The following NACC2 variants were observed in gnomAD, a reference collection of about 807,000 sequenced individuals.
NACC2 encodes the protein nucleus accumbens-associated protein 2.
NACC2 carries 8 observed loss-of-function variants against 25.1 expected under a neutral mutation model. The observed-to-expected ratio is 0.32, with a 90% CI of 0.19 to 0.57. The LOEUF is 0.57. Among genes scored for constraint, NACC2 ranks in the 20% least tolerant of loss-of-function variants. The pLI is 0.89. For synonymous variants in NACC2, 435 were observed against 294.7 expected (o/e 1.48, Z -4.88); for missense variants, 644 against 650.2 (o/e 0.99, Z 0.10).
rs1281459596 is a variant in NACC2, at chr9:136,055,571, C to T, written c.-59-4991G>A. Among the ~76,000 whole-genome samples, 3 of 152,214 alleles carry T rather than the reference C, an allele frequency of 2.0e-5. No individual in the cohort carries two copies. Among genetic ancestry groups the T allele is most frequent in the Non-Finnish European group, 4.4e-5 (3 of 68,048 alleles). On this transcript the variant is annotated intron_variant, in intron 1 of 5. Coordinates refer to ENST00000277554, the MANE Select transcript of NACC2 (RefSeq NM_144653.5). This position sits in a 1 kb window ranked among gnomAD's most constrained non-coding sequence, Gnocchi z 4.9. ...TAGATTGTAAAGCACTTTCTAAGCC[C>T]AGCACAGCAAACCAGAGGAATGCGG...
chr9:136,085,137 AT>A (rs913472378), intron 1 of NACC2, among the ~76,000 whole-genome samples: 187 of 82,774 alleles, frequency 2.3e-3, no homozygotes, highest in African/African-American at 4.1e-3. Flanking sequence ...CATTTCTACA[AT>A]TTTTTTTTTT....
Position 136,013,165 on chromosome 9 carries a change from G to GCCC in NACC2, c.1255+31_1255+33dup. On this transcript the variant is annotated intron_variant, in intron 5 of 5. Transcript: ENST00000277554. The surrounding 1 kb of genome is among the most constrained non-coding windows in gnomAD (Gnocchi z 6.6). The stretch of plus-strand genomic sequence containing the variant: ...AGGCTGGGATCTGAACCCAGCCCCG[G>GCCC]CCCCACCCACCCGAGAGACCCCCAG... The GCCC allele has an allele frequency of 3.7e-5, 26 of 706,926 alleles. No individual in the cohort carries two copies. The highest frequency in any genetic ancestry group is 3.1e-4 in the Middle Eastern group (1 of 3,266). The allele number at this position is 706,926 out of a possible 1,614,324, so 43.8% of individuals were successfully genotyped here.
chr9:136,059,622 G>A (rs1176316978), intron 1 of NACC2, among the ~76,000 whole-genome samples: 2 of 152,226 alleles, frequency 1.3e-5, no homozygotes. Context: ...GCCCAGCAAG[G>A]AACCTGAGCA....
Position 136,061,806 on chromosome 9 carries a change from A to G in NACC2, c.-59-11226T>C, listed in dbSNP as rs74745514. The stretch of plus-strand genomic sequence containing the variant: ...TACAGAGGCCCAGGTACAATGGCCC[A>G]GGTACAGAGCAGGCCATTACGAAAA... On this transcript the variant is annotated intron_variant, in intron 1 of 5. Coordinates refer to ENST00000277554, the MANE Select transcript of NACC2 (RefSeq NM_144653.5). Among the ~76,000 whole-genome samples the G allele has an allele frequency of 9.2e-3, 1,405 of 152,286 alleles. 24 individuals carry two copies. The highest frequency in any genetic ancestry group is 0.032 in the African/African-American group (1,330 of 41,556).
rs1257935698 is a variant in NACC2 at position 136,011,697 on chromosome 9, G to A, written c.1583C>T (p.Ala528Val). ...GCCAGCCCCGTCCACCTCCTCGCCG[G>A]CGTCGAAGGCGGGGTTGGCGGCGGC... is the stretch of plus-strand genomic sequence containing the variant. ...LSAAANPAFDAGEEVDGAGSV... is the reference protein window; with the variant it reads ...LSAAANPAFDVGEEVDGAGSV... The change falls in exon 6 of 6, where the codon GCC becomes GTC. Residue 528 changes from alanine to valine, a missense_variant. Transcript: ENST00000277554. The A allele has an allele frequency of 6.7e-7, 1 of 1,487,840 alleles. No homozygotes were observed. The allele number at this position is 1,487,840 out of a possible 1,614,324, so 92.2% of individuals were successfully genotyped here. A position where few individuals can be genotyped will look rare whatever the true frequency, so the allele number is the denominator to read the frequency against.
chr9:136,050,811 G>T (rs542124283), intron 1 of NACC2, among the ~76,000 whole-genome samples: 2 of 152,170 alleles, frequency 1.3e-5, no homozygotes, highest in African/African-American at 2.4e-5. Context: ...AGATCCCCGG[G>T]GTGCTGCCCG....
intron 2 of NACC2, among the ~76,000 whole-genome samples, chr9:136,032,807 G>A (rs746801239): frequency 3.3e-5 from 5 of 152,094 alleles, no homozygotes; most frequent in African/African-American, 7.2e-5. Flanking sequence ...TGAGGTGGGT[G>A]GATCACGAGA....
intron 2 of NACC2, among the ~76,000 whole-genome samples, chr9:136,038,006 A>AC (rs1484712571): frequency 6.6e-6 from 1 of 152,206 alleles, no homozygotes; most frequent in African/African-American, 2.4e-5. Flanking sequence ...AATACTACTT[A>AC]CTCAGCAACA....
At chr9:136,088,783 C>T (rs60843730) in intron 1 of NACC2, among the ~76,000 whole-genome samples, 8,591 of 152,194 alleles carry the variant, frequency 0.056, 417 homozygotes, top group African/African-American at 0.14. Flanking sequence ...CAGGCCTGGG[C>T]GTGGAGGGCG....
intron 2 of NACC2, among the ~76,000 whole-genome samples, chr9:136,024,404 CAG>C (rs1491458826): frequency 5.8e-5 from 6 of 103,530 alleles, no homozygotes; most frequent in African/African-American, 8.1e-5. Flanking sequence ...TGTGTGAGGA[CAG>C]AGTGTGTGTG....
At chr9:136,048,412 G>T (rs1237643869) in intron 2 of NACC2, among the ~76,000 whole-genome samples, 1 of 152,222 alleles carries the variant, frequency 6.6e-6, no homozygotes. Flanking sequence ...CCCTCAGGAA[G>T]GGCCAATTCC....
At chr9:136,075,433 C>A (rs1830251561) in intron 1 of NACC2, among the ~76,000 whole-genome samples, 1 of 152,252 alleles carries the variant, frequency 6.6e-6, no homozygotes, top group Non-Finnish European at 1.5e-5. Context: ...GCGAATGTCT[C>A]CCCGAGCCTG....
rs1245004326 is a variant in NACC2 at position 136,047,830 on chromosome 9, A to G, written c.886+1806T>C. ...CGAAGTCCAGGCGATGTGAGGGCTTAAGGCTGACCCAGCACCCAGGGGCAG... is the reference window on the plus strand; with the variant it reads ...CGAAGTCCAGGCGATGTGAGGGCTTGAGGCTGACCCAGCACCCAGGGGCAG... On this transcript the variant is annotated intron_variant, in intron 2 of 5. Coordinates refer to ENST00000277554, the MANE Select transcript of NACC2 (RefSeq NM_144653.5). Among the ~76,000 whole-genome samples, 12 of 152,180 alleles carry G rather than the reference A, an allele frequency of 7.9e-5. No individual in the cohort carries two copies. The East Asian group carries it at 1.6e-3, about 20-fold the overall frequency.
At chr9:136,026,805 A>G (rs1366231311) in intron 2 of NACC2, among the ~76,000 whole-genome samples, 1 of 152,250 alleles carries the variant, frequency 6.6e-6, no homozygotes, top group Non-Finnish European at 1.5e-5. Flanking sequence ...ATTAATCAGA[A>G]AGGAGGGACA....
chr9:136,025,855 C>T lies in NACC2; in HGVS notation c.887-9426G>A, dbSNP rs550209619. ...GCTTGAACCCAGGAGGCAGAGGTTG[C>T]AGTGAGCTGAGATTGTGCCACTGCA... On this transcript the variant is annotated intron_variant, in intron 2 of 5. Transcript: ENST00000277554. Among the ~76,000 whole-genome samples, 13 of 152,136 alleles carry T rather than the reference C, an allele frequency of 8.5e-5. No individual in the cohort carries two copies. In the East Asian group the frequency reaches 2.3e-3, roughly 27 times the overall value.
At position 136,015,441 on chromosome 9, in the gene NACC2, C is replaced by A. The variant is rs568691515; in HGVS notation, c.1051+824G>T. 9.2e-5 allele frequency among the ~76,000 whole-genome samples: 14 copies of A among 152,348 alleles called. No individual in the cohort carries two copies. The East Asian group carries it at 2.7e-3, about 29-fold the overall frequency. On this transcript the variant is annotated intron_variant, in intron 3 of 5. Transcript: ENST00000277554. ...GCCAGGTGCAGCCCAGGAGGCCACTCTCCCATGAGGACCGAAGTCCCTGGC... is the reference window on the plus strand; with the variant it reads ...GCCAGGTGCAGCCCAGGAGGCCACTATCCCATGAGGACCGAAGTCCCTGGC...
chr9:136,075,564 G>A (rs1348102999), intron 1 of NACC2, among the ~76,000 whole-genome samples: 1 of 152,244 alleles, frequency 6.6e-6, no homozygotes, highest in Admixed American at 6.5e-5. Flanking sequence ...GCCTGAGGAC[G>A]CATCTTCTTT....
chr9:136,046,578 C>T (rs995534710), intron 2 of NACC2, among the ~76,000 whole-genome samples: 3 of 152,204 alleles, frequency 2.0e-5, no homozygotes, highest in South Asian at 4.1e-4. Context: ...GGGACCGAGA[C>T]GGGGCCTGCC....
intron 2 of NACC2, among the ~76,000 whole-genome samples, chr9:136,029,777 G>A (rs1261072069): frequency 6.6e-6 from 1 of 152,228 alleles, no homozygotes; most frequent in African/African-American, 2.4e-5. Context: ...CCACCCCACT[G>A]CAGCCAGTGT....
Sources: allele counts gnomAD v4.1 joint callset (sites outside exome capture counted in the v4.1 genomes callset), GRCh38; gene constraint gnomAD v4.1.1; non-coding constraint Gnocchi (gnomAD v3.1); transcripts MANE v1.5; gene names NCBI Gene and HGNC (gene_info 2026-07-23, HGNC 2026-07-21).